PLCG2: variants seen among roughly 807,000 people sequenced by gnomAD.
The protein encoded by PLCG2 is 1-phosphatidylinositol 4,5-bisphosphate phosphodiesterase gamma-2.
Under a neutral mutation model 175.6 loss-of-function variants are expected in PLCG2, and 69 were observed. The observed-to-expected ratio is 0.39, with a 90% CI of 0.32 to 0.48. PLCG2 has a LOEUF of 0.48. PLCG2 is among the 20% of genes least tolerant of loss of function. PLCG2 has a pLI of 0.91. For missense variants in PLCG2, 1,798 were observed against 1,650.9 expected (o/e 1.09, Z -1.54); for synonymous variants, 827 against 624.0 (o/e 1.33, Z -4.85).
chr16:81,838,526 G>A (rs981528653), intron 2 of PLCG2, among the ~76,000 whole-genome samples: 8 of 152,018 alleles, frequency 5.3e-5, no homozygotes, highest in East Asian at 1.9e-4. Flanking sequence ...ACCAAACGCC[G>A]CATGTTCTCA....
At chr16:81,750,877 G>A (rs1909798507) in intron 1 of PLCG2, among the ~76,000 whole-genome samples, 1 of 148,132 alleles carries the variant, frequency 6.8e-6, no homozygotes, top group Admixed American at 6.8e-5. Context: ...GTTTCAACAT[G>A]TTAGCCAGGT....
intron 31 of PLCG2, among the ~76,000 whole-genome samples, chr16:81,947,133 T>A (rs72824943): frequency 1.3e-5 from 2 of 152,092 alleles, no homozygotes; most frequent in Non-Finnish European, 2.9e-5. Context: ...ACCGGAAACA[T>A]TATAAATAAT....
chr16:81,952,672 G>A (rs1349065386), intron 31 of PLCG2, among the ~76,000 whole-genome samples: 2 of 152,166 alleles, frequency 1.3e-5, no homozygotes, highest in African/African-American at 4.8e-5. Context: ...ACATGTCTGT[G>A]AATGAATGAA....
Position 81,956,808 on chromosome 16 carries a change from G to C in PLCG2, c.3684G>C (p.Arg1228=). The C allele has an allele frequency of 6.2e-7, 1 of 1,614,166 alleles. No homozygotes were observed. Among genetic ancestry groups the C allele is most frequent in the Non-Finnish European group, 8.5e-7 (1 of 1,180,024 alleles). ...ACCAGAACTTGCGCAATGCCAACCG[G>C]GATGCCCTGGTTAAAGAGTTCAGTG... The part of the protein sequence containing the change: ...DTHQNLRNAN[R]DALVKEFSVN... The change falls in exon 32 of 33, where the codon CGG becomes CGC. Residue 1228 remains arginine (R), a synonymous_variant. Coordinates refer to ENST00000564138, the MANE Select transcript of PLCG2 (RefSeq NM_002661.5).
intron 27 of PLCG2, among the ~76,000 whole-genome samples, chr16:81,936,697 G>C (rs981069060): frequency 6.6e-6 from 1 of 152,218 alleles, no homozygotes; most frequent in African/African-American, 2.4e-5. Context: ...CTCCAGGCCT[G>C]TTGCTGTGTG....
At chr16:81,832,008 C>T (rs983268762) in intron 2 of PLCG2, among the ~76,000 whole-genome samples, 7 of 152,174 alleles carry the variant, frequency 4.6e-5, no homozygotes, top group East Asian at 3.9e-4. Flanking sequence ...CTTGCTGGAG[C>T]CAGTCATGCC....
intron 7 of PLCG2, among the ~76,000 whole-genome samples, chr16:81,875,287 T>G (rs571454429): frequency 1.3e-5 from 2 of 152,192 alleles, no homozygotes; most frequent in East Asian, 3.9e-4. Context: ...TTGTATACAT[T>G]TAATTCCCCC....
At chr16:81,874,961 T>G (rs1324892155) in intron 7 of PLCG2, among the ~76,000 whole-genome samples, 1 of 137,472 alleles carries the variant, frequency 7.3e-6, no homozygotes, top group Non-Finnish European at 1.6e-5. Context: ...TTTTTTTTTT[T>G]TTTTTTTTTT....
At chr16:81,742,325 C>A (rs971715638) in intron 1 of PLCG2, among the ~76,000 whole-genome samples, 1 of 152,216 alleles carries the variant, frequency 6.6e-6, no homozygotes, top group African/African-American at 2.4e-5. Context: ...AAGGAAGGGC[C>A]TGACTGGGAT....
At chr16:81,858,953 C>G (rs756248633) in intron 4 of PLCG2, among the ~76,000 whole-genome samples, 163 bp from the exon 5 acceptor site, 1 of 152,208 alleles carries the variant, frequency 6.6e-6, no homozygotes, top group Non-Finnish European at 1.5e-5. Context: ...GCCTTTTCCA[C>G]ACTAGGAGGA....
chr16:81,913,872 A>G (rs1256493662), intron 19 of PLCG2, among the ~76,000 whole-genome samples: 1 of 151,708 alleles, frequency 6.6e-6, no homozygotes, highest in East Asian at 1.9e-4. Flanking sequence ...TGCCTGAGCC[A>G]CCTCCCTGGG....
At chr16:81,860,769 G>C (rs554847882) in intron 5 of PLCG2, among the ~76,000 whole-genome samples, 1 of 152,060 alleles carries the variant, frequency 6.6e-6, no homozygotes, top group African/African-American at 2.4e-5. Context: ...TCAGGAGTTC[G>C]AGACCAGCCT....
chr16:81,913,445 A>C (rs1289913781), intron 19 of PLCG2, among the ~76,000 whole-genome samples: 1 of 152,228 alleles, frequency 6.6e-6, no homozygotes, highest in African/African-American at 2.4e-5. Flanking sequence ...CAGAGAGGTT[A>C]AGTGACCTGC....
intron 8 of PLCG2, among the ~76,000 whole-genome samples, chr16:81,881,793 A>C (rs1597370889): frequency 6.7e-6 from 1 of 149,546 alleles, no homozygotes; most frequent in African/African-American, 2.5e-5. Context: ...ACAGGCATCC[A>C]TCATGTCCAG....
At chr16:81,848,633 C>T (rs1217177312) in intron 2 of PLCG2, among the ~76,000 whole-genome samples, 1 of 152,146 alleles carries the variant, frequency 6.6e-6, no homozygotes, top group Non-Finnish European at 1.5e-5. Flanking sequence ...CTGCTCTGCT[C>T]AGTCATCAGT....
chr16:81,946,986 G>A (rs539345622), intron 31 of PLCG2, among the ~76,000 whole-genome samples: 2 of 152,122 alleles, frequency 1.3e-5, no homozygotes, highest in Non-Finnish European at 2.9e-5. Context: ...CGGGGAAAGG[G>A]AACCAGTGCT....
At chr16:81,921,110 C>T (rs1910042284) in intron 20 of PLCG2, 88 bp from the exon 21 acceptor site, 1 of 778,098 alleles carries the variant, frequency 1.3e-6, no homozygotes, top group Non-Finnish European at 2.2e-6. Context: ...GGATAGGTAA[C>T]CATAAGGAAG....
At chr16:81,845,914 C>A (rs181981317) in intron 2 of PLCG2, among the ~76,000 whole-genome samples, 2 of 152,224 alleles carry the variant, frequency 1.3e-5, no homozygotes, top group African/African-American at 2.4e-5. Flanking sequence ...CTGGCTCTTG[C>A]ACTTGTGGCT....
intron 2 of PLCG2, among the ~76,000 whole-genome samples, chr16:81,822,529 G>A (rs1204197458): frequency 2.6e-5 from 4 of 152,102 alleles, no homozygotes; most frequent in Non-Finnish European, 5.9e-5. Flanking sequence ...GGCCGAGGCG[G>A]GTGGATCACC....
Sources: allele counts gnomAD v4.1 joint callset (sites outside exome capture counted in the v4.1 genomes callset), GRCh38; gene constraint gnomAD v4.1.1; transcripts MANE v1.5; gene names NCBI Gene and HGNC (gene_info 2026-07-23, HGNC 2026-07-21).